CDK14: variants seen among roughly 807,000 people sequenced by gnomAD.
CDK14 encodes the protein cyclin-dependent kinase 14.
CDK14 carries 34 observed loss-of-function variants against 60.7 expected under a neutral mutation model. The observed-to-expected ratio is 0.56, with a 90% confidence interval of 0.43 to 0.75. The LOEUF (loss-of-function observed/expected upper bound fraction) is 0.75. Among genes scored for constraint, CDK14 ranks in the 30% least tolerant of loss-of-function variants. The pLI is 0.00. For synonymous variants in CDK14, 197 were observed against 203.7 expected, an observed-to-expected ratio of 0.97 and a Z score of 0.28; for missense variants, 482 against 564.1, an observed-to-expected ratio of 0.85 and a Z score of 1.47.
chr7:90,802,685 AG>A (rs1788686936), intron 5 of CDK14, among the ~76,000 whole-genome samples: 1 of 152,186 alleles, frequency 6.6e-6, no homozygotes, highest in Non-Finnish European at 1.5e-5. Context: ...CTCAACTTAC[AG>A]GCTTCTTGGG....
At chr7:90,678,310 G>C (rs1404128896) in intron 2 of CDK14, among the ~76,000 whole-genome samples, 1 of 152,120 alleles carries the variant, frequency 6.6e-6, no homozygotes, top group African/African-American at 2.4e-5. Flanking sequence ...GCTGATGCTT[G>C]GGGTGAAGGC....
intron 14 of CDK14, among the ~76,000 whole-genome samples, chr7:91,171,638 G>C (rs1311533721): frequency 3.6e-4 from 54 of 152,034 alleles, no homozygotes; most frequent in Admixed American, 3.5e-3. Flanking sequence ...GGTTTATTTA[G>C]TGTTGTCTTT....
intron 2 of CDK14, among the ~76,000 whole-genome samples, chr7:90,680,800 C>T (rs963972522): frequency 4.6e-5 from 7 of 152,156 alleles, no homozygotes; most frequent in African/African-American, 1.7e-4. Flanking sequence ...ATTTTATTGA[C>T]CTGTTTCTTC....
chr7:91,007,428 G>A (rs1255114059), intron 10 of CDK14, among the ~76,000 whole-genome samples: 1 of 152,206 alleles, frequency 6.6e-6, no homozygotes, highest in Non-Finnish European at 1.5e-5. Context: ...ACACCACTAA[G>A]TTAACCAGGG....
At chr7:90,966,908 A>G (rs937689802) in intron 9 of CDK14, among the ~76,000 whole-genome samples, 2 of 152,068 alleles carry the variant, frequency 1.3e-5, no homozygotes, top group African/African-American at 4.8e-5. Flanking sequence ...TTCTCAAAAC[A>G]GGTTACCTCT....
At chr7:90,927,797 C>T (rs1294884921) in intron 8 of CDK14, among the ~76,000 whole-genome samples, 1 of 152,148 alleles carries the variant, frequency 6.6e-6, no homozygotes, top group East Asian at 1.9e-4. Context: ...GGTTAATATC[C>T]TGCAGATTGT....
intron 2 of CDK14, among the ~76,000 whole-genome samples, chr7:90,605,341 C>G (rs1022850507): frequency 2.0e-4 from 30 of 152,294 alleles, no homozygotes; most frequent in African/African-American, 5.8e-4. Context: ...CTGAGCTTTA[C>G]AAAGCTGTGT....
intron 12 of CDK14, 91 bp from the exon 13 acceptor site, chr7:91,112,451 A>G: frequency 2.2e-6 from 3 of 1,392,300 alleles, no homozygotes; most frequent in African/African-American, 1.4e-5. Flanking sequence ...CCAGGAATAA[A>G]TTGAAATCCA....
chr7:90,629,466 T>A (rs1256495264), intron 2 of CDK14, among the ~76,000 whole-genome samples: 1 of 152,190 alleles, frequency 6.6e-6, no homozygotes, highest in Non-Finnish European at 1.5e-5. Flanking sequence ...GTCAATACTT[T>A]TAGGATGCCT....
intron 11 of CDK14, among the ~76,000 whole-genome samples, chr7:91,077,085 TG>T (rs1219465087): frequency 6.6e-6 from 1 of 152,240 alleles, no homozygotes. Context: ...GAAGACAGTG[TG>T]GTGATTCCTC....
intron 8 of CDK14, among the ~76,000 whole-genome samples, chr7:90,921,914 A>C (rs1793263937): frequency 1.3e-5 from 2 of 152,172 alleles, no homozygotes; most frequent in Non-Finnish European, 2.9e-5. Flanking sequence ...TTTTAGATTA[A>C]TTTGAAAAAC....
chr7:91,137,375 T>TG (rs1372390798), intron 14 of CDK14, among the ~76,000 whole-genome samples: 7 of 152,158 alleles, frequency 4.6e-5, no homozygotes, highest in African/African-American at 7.2e-5. Flanking sequence ...TTTTCTGAAA[T>TG]GAACCCTACT....
intron 2 of CDK14, among the ~76,000 whole-genome samples, chr7:90,718,911 A>G (rs1052881641): frequency 6.6e-5 from 10 of 152,200 alleles, no homozygotes; most frequent in Non-Finnish European, 1.3e-4. Context: ...TTGCACATCT[A>G]TCCTTAATAG....
intron 9 of CDK14, among the ~76,000 whole-genome samples, chr7:90,967,336 G>A (rs3735648): frequency 0.15 from 22,229 of 152,136 alleles, 1,849 homozygotes; most frequent in Middle Eastern, 0.27. Flanking sequence ...ATCTATGCAC[G>A]TTTTACCACA....
intron 5 of CDK14, among the ~76,000 whole-genome samples, chr7:90,798,470 A>G (rs1224444307): frequency 6.6e-6 from 1 of 152,180 alleles, no homozygotes; most frequent in Non-Finnish European, 1.5e-5. Flanking sequence ...TTTTACATTG[A>G]TGAGGAAGCA....
intron 3 of CDK14, among the ~76,000 whole-genome samples, 180 bp from the exon 4 acceptor site, chr7:90,747,501 G>A (rs1229089668): frequency 6.6e-6 from 1 of 152,060 alleles, no homozygotes; most frequent in Non-Finnish European, 1.5e-5. Context: ...GTGTTTATTT[G>A]CATTTTTTTT....
At chr7:90,611,250 A>G (rs1485610390) in intron 2 of CDK14, among the ~76,000 whole-genome samples, 7 of 152,056 alleles carry the variant, frequency 4.6e-5, no homozygotes, top group Admixed American at 2.0e-4. Context: ...TCTGTCCTCT[A>G]TGATCAGTTT....
intron 9 of CDK14, among the ~76,000 whole-genome samples, chr7:90,960,598 G>A (rs1412401199): frequency 2.6e-5 from 4 of 151,926 alleles, no homozygotes; most frequent in East Asian, 1.9e-4. Context: ...AATTGATTTC[G>A]CATATGTTAG....
chr7:90,652,900 G>C (rs1372665573), intron 2 of CDK14, among the ~76,000 whole-genome samples: 1 of 152,168 alleles, frequency 6.6e-6, no homozygotes, highest in Non-Finnish European at 1.5e-5. Context: ...GTTGCATACA[G>C]CTGTGTCTTT....
Sources: gnomAD v4.1 joint callset for allele counts (sites outside exome capture counted in the v4.1 genomes callset) on GRCh38, gnomAD v4.1.1 for gene constraint, MANE v1.5 for transcripts, NCBI Gene and HGNC (gene_info 2026-07-23, HGNC 2026-07-21) for gene names.